Variants in PITRM1 observed in about 807,000 individuals in gnomAD.
The protein encoded by PITRM1 is pitrilysin metallopeptidase 1, also known as presequence protease, mitochondrial.
A neutral mutation model predicts 129.9 loss-of-function variants in PITRM1; 100 were observed. That is an observed-to-expected ratio of 0.77 (90% CI 0.65 to 0.91). The LOEUF is 0.91. Ranked by LOEUF, PITRM1 falls within the 40% of genes least tolerant of loss-of-function variation. PITRM1 has a pLI of 0.00. For synonymous variants in PITRM1, 591 were observed against 508.8 expected, an observed-to-expected ratio of 1.16 and a Z score of -2.17; for missense variants, 1,471 against 1,318.3, an observed-to-expected ratio of 1.12 and a Z score of -1.79.
At position 3,138,291 on chromosome 10, in the gene PITRM1, G is replaced by C; in HGVS notation, c.2964C>G (p.Ala988=). 1 of 1,613,878 alleles carries C rather than the reference G, an allele frequency of 6.2e-7. No homozygotes were observed. The highest frequency in any genetic ancestry group is 2.2e-5 in the East Asian group (1 of 44,880). ...LYGLSDEMKQ[A]HREQLFAVSH... is the part of the protein sequence containing the mutation. ...TGACAGCAAAGAGCTGCTCTCTGTG[G>C]GCCTGCTTCATCTCATCCGAGAGGC... The change falls in exon 26 of 27, where the codon GCC becomes GCG. Residue 988 remains alanine (A), a synonymous_variant. Coordinates refer to ENST00000224949, the MANE Select transcript of PITRM1 (RefSeq NM_014889.4).
chr10:3,137,932 CATA>C lies in PITRM1; in HGVS notation c.*96_*98del, dbSNP rs1839703674. ...CAAGGGCTTTGGCGACACTCAATGA[CATA>C]ATATTCTTGGAAAAAGCAGTAGCAT... On this transcript the variant is annotated 3_prime_UTR_variant, in exon 27 of 27. Coordinates refer to ENST00000224949, the MANE Select transcript of PITRM1 (RefSeq NM_014889.4). 6 of 731,710 alleles carry C rather than the reference CATA, an allele frequency of 8.2e-6. No homozygotes were observed. The highest frequency in any genetic ancestry group is 1.4e-5 in the Non-Finnish European group (6 of 430,134). 45.3% of individuals were successfully genotyped at this position (731,710 alleles called of 1,614,324 possible). A position where few individuals can be genotyped will look rare whatever the true frequency, so the allele number is the denominator to read the frequency against.
At position 3,163,828 on chromosome 10, in the gene PITRM1, T is replaced by C; in HGVS notation, c.688A>G (p.Thr230Ala). 1.2e-6 allele frequency: 2 copies of C among 1,610,790 alleles called. No homozygotes were observed. Among genetic ancestry groups the C allele is most frequent in the Non-Finnish European group, 1.7e-6 (2 of 1,177,262 alleles). Residue 230 changes from threonine (T) to alanine (A), a missense_variant, in exon 7 of 27, where the codon ACG (threonine) becomes GCG (alanine). Transcript: ENST00000224949. ...TCACCCCCGGAGACCACTGAGTACG[T>C]GTGGTCAGGAAGAAGTCTGTTCTGA... ...HLQNRLLPDH[T>A]YSVVSGGDPL...
intron 2 of PITRM1, among the ~76,000 whole-genome samples, chr10:3,168,978 G>T (rs115339951): frequency 0.018 from 2,527 of 139,070 alleles, 59 homozygotes; most frequent in African/African-American, 0.054. Context: ...TTAGCCAGGC[G>T]TGGTGGCACC....
At chr10:3,169,832 AGT>A (rs1297147162) in intron 2 of PITRM1, among the ~76,000 whole-genome samples, 1 of 152,236 alleles carries the variant, frequency 6.6e-6, no homozygotes, top group African/African-American at 2.4e-5. Context: ...CAGAAACGCT[AGT>A]GTGTCTGATT....
At chr10:3,158,818 C>T (rs3814592) in intron 10 of PITRM1, 96 bp downstream of exon 10, 767,464 of 1,148,882 alleles carry the variant, frequency 0.67, 258,259 homozygotes, top group Non-Finnish European at 0.69. Flanking sequence ...GTTCCAGACA[C>T]TGTCAAGTGT....
In PITRM1 at chr10:3,138,039, T is replaced by A. The variant is rs751912383; in HGVS notation, c.3106A>T (p.Ile1036Phe). 1.9e-6 allele frequency: 3 copies of A among 1,602,984 alleles called. No individual in the cohort carries two copies. The highest frequency in any genetic ancestry group is 2.2e-5 in the East Asian group (1 of 44,650). Residue 1036 changes from isoleucine to phenylalanine, a missense_variant, in exon 27 of 27, where the codon ATC becomes TTC. By Grantham distance (21) the Ile-to-Phe change is conservative (BLOSUM62 0). Transcript: ENST00000224949. ...PKIAKDPSWI[I>F]Q The stretch of plus-strand genomic sequence containing the variant: ...TCGAGCGCCACGGCTGCTCATTGGA[T>A]GATCCAGGATGGGTCCTTGGCAATT...
In PITRM1 at chr10:3,145,733, G is replaced by A. The variant is rs1257293207; in HGVS notation, c.2337-17C>T. 4 of 1,515,360 alleles carry A rather than the reference G, an allele frequency of 2.6e-6. No individual in the cohort carries two copies. Among genetic ancestry groups the A allele is most frequent in the Non-Finnish European group, 3.6e-6 (4 of 1,115,274 alleles). 93.9% of individuals were successfully genotyped at this position (1,515,360 alleles called of 1,614,324 possible). A position where few individuals can be genotyped will look rare whatever the true frequency, so the allele number is the denominator to read the frequency against. On this transcript the variant is annotated splice_polypyrimidine_tract_variant and intron_variant, in intron 20 of 26. Coordinates refer to ENST00000224949, the MANE Select transcript of PITRM1 (RefSeq NM_014889.4). ...ACTGAACACCTGTTTGAAAAATTAT[G>A]TATACATAAAACCACTGTTAGAAAA...
Position 3,165,515 on chromosome 10 carries a change from G to GTA in PITRM1, c.429_430dup (p.Thr144IlefsTer64). Reference sequence around the variant, plus strand: ...ATTTTGTGTGGAAAATGGATACAGAGTATAATCACTAGCTGGGTACAAATG... The same window carrying GTA: ...ATTTTGTGTGGAAAATGGATACAGAGTATATAATCACTAGCTGGGTACAAATG... On this transcript the variant is annotated frameshift_variant, in exon 5 of 27. Transcript: ENST00000224949. LOFTEE classifies it high-confidence loss of function. 1 of 1,578,686 alleles carries GTA rather than the reference G, an allele frequency of 6.3e-7. No homozygotes were observed. Among genetic ancestry groups the GTA allele is most frequent in the African/African-American group, 1.3e-5 (1 of 74,124 alleles).
chr10:3,155,757 C>G (rs1841926206), intron 13 of PITRM1, 28 bp from the exon 14 acceptor site: 2 of 1,611,768 alleles, frequency 1.2e-6, no homozygotes, highest in African/African-American at 2.7e-5. Flanking sequence ...ACAACAAAAG[C>G]CAAGTGAAAA....
At chr10:3,168,779 CT>C (rs1401907661) in intron 2 of PITRM1, among the ~76,000 whole-genome samples, 1 of 152,182 alleles carries the variant, frequency 6.6e-6, no homozygotes, top group African/African-American at 2.4e-5. Flanking sequence ...AACCTCTTCA[CT>C]TTTTAGCTCA....
At chr10:3,172,138 C>A (rs1357050808) in intron 1 of PITRM1, 1 of 454,968 alleles carries the variant, frequency 2.2e-6, no homozygotes, top group Non-Finnish European at 4.4e-6. Context: ...ATGCCACGGA[C>A]GCCCCGTGCC....
At chr10:3,165,813 T>TA (rs1842812411) in intron 4 of PITRM1, among the ~76,000 whole-genome samples, 1 of 152,216 alleles carries the variant, frequency 6.6e-6, no homozygotes, top group South Asian at 2.1e-4. Context: ...TTCATACATC[T>TA]ACAAAGATGA....
intron 23 of PITRM1, among the ~76,000 whole-genome samples, chr10:3,141,184 T>G (rs1840159878): frequency 6.6e-6 from 1 of 152,236 alleles, no homozygotes; most frequent in Non-Finnish European, 1.5e-5. Flanking sequence ...CAAGTGATCC[T>G]CCTGCCTTCA....
rs761170823 is a variant in PITRM1 at position 3,145,599 on chromosome 10, G to C, written c.2454C>G (p.Val818=). The change falls in exon 21 of 27, where the codon GTC becomes GTG. Residue 818 remains valine (V), a synonymous_variant. Coordinates refer to ENST00000224949, the MANE Select transcript of PITRM1 (RefSeq NM_014889.4). ...CGCCAGCACCACCAGTGCATACCTC[G>C]ACCGTGTGTGGGCGCACAGGCCTCC... is the stretch of plus-strand genomic sequence containing the variant. ...KERRPVRPHT[V]EKPVPSSSGG... The C allele has an allele frequency of 6.5e-7, 1 of 1,549,694 alleles. No individual in the cohort carries two copies. The highest frequency in any genetic ancestry group is 2.4e-5 in the East Asian group (1 of 40,924).
intron 7 of PITRM1, among the ~76,000 whole-genome samples, chr10:3,162,496 T>TG (rs1360829146): frequency 6.6e-6 from 1 of 152,218 alleles, no homozygotes. Context: ...GCCCACCAGA[T>TG]GGTCTGTGGC....
Position 3,140,764 on chromosome 10 carries a change from TTCTG to T in PITRM1, c.2690_2693del (p.Thr897LysfsTer32). On this transcript the variant is annotated frameshift_variant, in exon 24 of 27. Transcript: ENST00000224949. LOFTEE classifies it high-confidence loss of function. Reference sequence around the variant, plus strand: ...CATAAGCACCGCCTTTTTCTCGAATTTCTGTATGCAAGAATTTGGCAGTCATCAA... The same window carrying T: ...CATAAGCACCGCCTTTTTCTCGAATTTATGCAAGAATTTGGCAGTCATCAA... 6.3e-7 allele frequency: 1 copy of T among 1,594,568 alleles called. No homozygotes were observed.
At chr10:3,143,229 G>A (rs768990694) in intron 23 of PITRM1, 160 bp downstream of exon 23, 5 of 605,212 alleles carry the variant, frequency 8.3e-6, no homozygotes, top group South Asian at 3.9e-5. Context: ...AAGACTGCTG[G>A]TTAAAGAGGA....
At chr10:3,145,480 GA>G (rs1840756365) in intron 21 of PITRM1, 115 bp downstream of exon 21, 1 of 824,452 alleles carries the variant, frequency 1.2e-6, no homozygotes, top group African/African-American at 1.7e-5. Flanking sequence ...GCGTACGGGG[GA>G]TATGAACCCC....
intron 14 of PITRM1, among the ~76,000 whole-genome samples, chr10:3,153,632 A>G (rs1428798582): frequency 6.6e-6 from 1 of 151,806 alleles, no homozygotes; most frequent in African/African-American, 2.4e-5. Flanking sequence ...AAAAAAACCA[A>G]AAAAACAACA....
Sources: allele counts gnomAD v4.1 joint callset (sites outside exome capture counted in the v4.1 genomes callset), GRCh38; gene constraint gnomAD v4.1.1; transcripts MANE v1.5; gene names NCBI Gene and HGNC (gene_info 2026-07-23, HGNC 2026-07-21).